Variants in CLUAP1 observed in about 807,000 individuals in gnomAD.
The protein encoded by CLUAP1 is clusterin-associated protein 1.
CLUAP1 carries 50 observed loss-of-function variants against 55.0 expected under a neutral mutation model. The observed-to-expected ratio is 0.91, with a 90% CI of 0.72 to 1.15. CLUAP1 has a LOEUF of 1.15. CLUAP1 is among the 50% of genes most tolerant of loss of function. CLUAP1 has a pLI of 0.00. For missense variants in CLUAP1, 530 were observed against 507.6 expected, an observed-to-expected ratio of 1.04 and a Z score of -0.42; for synonymous variants, 195 against 175.4, an observed-to-expected ratio of 1.11 and a Z score of -0.88.
intron 9 of CLUAP1, among the ~76,000 whole-genome samples, chr16:3,530,165 C>G (rs1404048934): frequency 6.6e-6 from 1 of 151,628 alleles, no homozygotes; most frequent in Admixed American, 6.6e-5. Context: ...CAGCATTAAT[C>G]CATTCTTCAA....
intron 7 of CLUAP1, among the ~76,000 whole-genome samples, chr16:3,520,974 C>G (rs779776141): frequency 6.6e-6 from 1 of 152,118 alleles, no homozygotes; most frequent in Non-Finnish European, 1.5e-5. Context: ...GCTGCCTACT[C>G]TGCTCGGATG....
intron 3 of CLUAP1, 116 bp downstream of exon 3, chr16:3,506,531 T>G: frequency 1.2e-6 from 1 of 825,604 alleles, no homozygotes; most frequent in Admixed American, 2.1e-5. Flanking sequence ...TTTTTTGAGA[T>G]GGAGTCTCAT....
chr16:3,495,771 A>G, the CLUAP1 span, among the ~76,000 whole-genome samples: 10 of 152,178 alleles, frequency 6.6e-5, no homozygotes, highest in Non-Finnish European at 8.8e-5. Flanking sequence ...ATGAGGGTTC[A>G]GGAGTACAGA....
intron 11 of CLUAP1, chr16:3,533,199 G>GC: frequency 6.7e-7 from 1 of 1,490,550 alleles, no homozygotes; most frequent in Non-Finnish European, 9.0e-7. Context: ...GTGTCTGTCA[G>GC]CCCTCCCGGG....
chr16:3,532,766 C>T lies in CLUAP1; in HGVS notation c.1037-20C>T, dbSNP rs772862423. 6.2e-7 allele frequency: 1 copy of T among 1,613,488 alleles called. No individual in the cohort carries two copies. The highest frequency in any genetic ancestry group is 1.3e-5 in the African/African-American group (1 of 74,970). On this transcript the variant is annotated intron_variant, in intron 10 of 11. Coordinates refer to ENST00000576634, the MANE Select transcript of CLUAP1 (RefSeq NM_015041.3). Reference sequence around the variant, plus strand: ...TTTTCCAAGATTTTTATGACTTCTTCATGCTTTTGTTGTTCTCAGGAAGAC... The same window carrying T: ...TTTTCCAAGATTTTTATGACTTCTTTATGCTTTTGTTGTTCTCAGGAAGAC...
At chr16:3,529,714 A>T (rs1203598252) in intron 9 of CLUAP1, among the ~76,000 whole-genome samples, 8 of 35,820 alleles carry the variant, frequency 2.2e-4, no homozygotes, top group Non-Finnish European at 3.4e-4. Context: ...TATATTATAT[A>T]ATATTATATA....
upstream of CLUAP1, among the ~76,000 whole-genome samples, chr16:3,499,725 C>T (rs2037352547): frequency 1.3e-5 from 2 of 152,174 alleles, no homozygotes; most frequent in Non-Finnish European, 2.9e-5. Context: ...TAGACTGTGG[C>T]TTATCTTTTG....
chr16:3,525,635 C>A (rs1383830996), intron 8 of CLUAP1, among the ~76,000 whole-genome samples: 1 of 152,022 alleles, frequency 6.6e-6, no homozygotes, highest in Non-Finnish European at 1.5e-5. Flanking sequence ...GTGATTATAA[C>A]TCACTGTAGC....
At chr16:3,500,814 C>CT, upstream of CLUAP1, 1 of 557,138 alleles carries the variant, frequency 1.8e-6, no homozygotes, top group Non-Finnish European at 3.2e-6. Context: ...CGCCCAGAAG[C>CT]TGGGAAGCTT....
chr16:3,497,442 T>TG (rs1348133842), upstream of CLUAP1, among the ~76,000 whole-genome samples: 1 of 152,180 alleles, frequency 6.6e-6, no homozygotes, highest in Non-Finnish European at 1.5e-5. Context: ...AAGCATCACA[T>TG]GTTCATGGAC....
At chr16:3,529,829 TATATA>T (rs2038075270) in intron 9 of CLUAP1, among the ~76,000 whole-genome samples, 1 of 49,338 alleles carries the variant, frequency 2.0e-5, no homozygotes, top group Non-Finnish European at 3.4e-5. Flanking sequence ...TATAATATAT[TATATA>T]ATATATTATA....
rs201631821 is a variant in CLUAP1 at position 3,526,602 on chromosome 16, GT to G, written c.928+128del. ...ATGTATTTTCTTCTTTTTTTCAGCA[GT>G]TTTTTTTTTACTGTAGTAAGAACAC... On this transcript the variant is annotated intron_variant, in intron 9 of 11. Coordinates refer to ENST00000576634, the MANE Select transcript of CLUAP1 (RefSeq NM_015041.3). 7.1e-3 allele frequency: 2,601 copies of G among 365,922 alleles called. 16 individuals carry two copies. Among genetic ancestry groups the G allele is most frequent in the East Asian group, 0.042 (567 of 13,654 alleles). 22.7% of individuals were successfully genotyped at this position (365,922 alleles called of 1,614,324 possible).
rs2037877943 is a variant in CLUAP1 at position 3,523,401 on chromosome 16, A to G, written c.855+102A>G. 8 of 1,352,694 alleles carry G rather than the reference A, an allele frequency of 5.9e-6. No homozygotes were observed. The African/African-American group carries it at 1.0e-4, about 18-fold the overall frequency. 83.8% of individuals were successfully genotyped at this position (1,352,694 alleles called of 1,614,324 possible). On this transcript the variant is annotated intron_variant, in intron 8 of 11. Coordinates refer to ENST00000576634, the MANE Select transcript of CLUAP1 (RefSeq NM_015041.3). ...ATATCATTGTGAAAAAAATATCAGTACATGTTTTTTCTCCCTGGTCAGTCT... is the reference window on the plus strand; with the variant it reads ...ATATCATTGTGAAAAAAATATCAGTGCATGTTTTTTCTCCCTGGTCAGTCT...
rs1476900197 is a variant in CLUAP1, at chr16:3,532,807, T to C, written c.1058T>C (p.Val353Ala). 6.2e-7 allele frequency: 1 copy of C among 1,614,156 alleles called. No individual in the cohort carries two copies. The highest frequency in any genetic ancestry group is 8.5e-7 in the Non-Finnish European group (1 of 1,180,030). The change falls in exon 11 of 12, where the codon GTG (valine) becomes GCG (alanine). Residue 353 changes from valine to alanine, a missense_variant. Coordinates refer to ENST00000576634, the MANE Select transcript of CLUAP1 (RefSeq NM_015041.3). The stretch of plus-strand genomic sequence containing the variant: ...TCAGGAAGACCTGGCAAACGCATTG[T>C]GGGCACGATGCAAGGTGGAGACTCC... ...LMQGRPGKRI[V>A]GTMQGGDSDD...
At chr16:3,519,612 G>C (rs562453102) in intron 6 of CLUAP1, among the ~76,000 whole-genome samples, 1 of 152,272 alleles carries the variant, frequency 6.6e-6, no homozygotes, top group South Asian at 2.1e-4. Flanking sequence ...AAGACTGCAG[G>C]CCTCTCCACC....
At chr16:3,529,445 T>A (rs549670271) in intron 9 of CLUAP1, among the ~76,000 whole-genome samples, 3 of 68,416 alleles carry the variant, frequency 4.4e-5, no homozygotes, top group Non-Finnish European at 7.9e-5. Context: ...TATATTATAT[T>A]ATATATTATT....
chr16:3,496,145 A>C, upstream of CLUAP1: 3 of 412,604 alleles, frequency 7.3e-6, no homozygotes, highest in Non-Finnish European at 1.4e-5. Flanking sequence ...CGTCTCAAAA[A>C]AAAAAAAAAG....
At chr16:3,506,439 A>G in intron 3 of CLUAP1, 24 bp downstream of exon 3, 3 of 1,567,116 alleles carry the variant, frequency 1.9e-6, no homozygotes, top group Non-Finnish European at 2.6e-6. Flanking sequence ...TATTTTGTGG[A>G]GTTGTAAAAT....
Position 3,530,599 on chromosome 16 carries a change from G to C in CLUAP1, c.960G>C (p.Glu320Asp). The change falls in exon 10 of 12, where the codon GAG becomes GAC. Residue 320 changes from glutamate to aspartate, a missense_variant. By Grantham distance (45) the Glu-to-Asp change is conservative. Coordinates refer to ENST00000576634, the MANE Select transcript of CLUAP1 (RefSeq NM_015041.3). ...ATGACTCGGACATAGACATCCAGGA[G>C]GACGATGAATCCGACAGTGAGTTGG... ...SNDDSDIDIQ[E>D]DDESDSELEE... is the part of the protein sequence containing the mutation. The C allele has an allele frequency of 6.2e-7, 1 of 1,614,044 alleles. No homozygotes were observed. Among genetic ancestry groups the C allele is most frequent in the East Asian group, 2.2e-5 (1 of 44,876 alleles).
Sources: allele counts gnomAD v4.1 joint callset (sites outside exome capture counted in the v4.1 genomes callset), GRCh38; gene constraint gnomAD v4.1.1; transcripts MANE v1.5; gene names NCBI Gene and HGNC (gene_info 2026-07-23, HGNC 2026-07-21).